Variants in GPC3 observed in about 807,000 individuals in gnomAD.
The protein encoded by GPC3 is glypican-3.
GPC3 carries 3 observed loss-of-function variants against 34.4 expected under a neutral mutation model. That is an observed-to-expected ratio of 0.09 (90% CI 0.04 to 0.23). GPC3 has a LOEUF of 0.23. Ranked by LOEUF, GPC3 falls within the 10% of genes least tolerant of loss-of-function variation. The probability of loss-of-function intolerance (pLI) is 1.00; values close to 1 mark genes in which losing one functional copy is unlikely to be tolerated. For missense variants in GPC3, 351 were observed against 445.6 expected (o/e 0.79, Z 1.91); for synonymous variants, 177 against 174.0 (o/e 1.02, Z -0.13).
At chrX:133,973,842 C>A in intron 1 of GPC3, among the ~76,000 whole-genome samples, 1 of 111,700 alleles carries the variant, frequency 9.0e-6, no homozygotes, top group Middle Eastern at 4.7e-3. Context: ...AAGTACTGCC[C>A]TGGGGGAGGG....
intron 2 of GPC3, among the ~76,000 whole-genome samples, chrX:133,759,649 A>G (rs2071766529): frequency 8.9e-6 from 1 of 112,290 alleles, no homozygotes; most frequent in African/African-American, 3.2e-5. Flanking sequence ...ATGCAAAACT[A>G]TAAAACTTAT....
intron 3 of GPC3, among the ~76,000 whole-genome samples, chrX:133,718,805 T>C (rs1000382472): frequency 3.6e-5 from 4 of 111,259 alleles, no homozygotes; most frequent in African/African-American, 1.3e-4. Flanking sequence ...GCTGTACTAA[T>C]GTTGGGGAAA....
At chrX:133,795,534 T>C (rs2075574055) in intron 2 of GPC3, among the ~76,000 whole-genome samples, 1 of 111,573 alleles carries the variant, frequency 9.0e-6, no homozygotes, top group Admixed American at 9.5e-5. Context: ...ATAAGATAGA[T>C]TGTCATGAAA....
At chrX:133,840,077 C>T (rs1291982534) in intron 2 of GPC3, among the ~76,000 whole-genome samples, 1 of 110,863 alleles carries the variant, frequency 9.0e-6, no homozygotes, top group African/African-American at 3.3e-5. Context: ...GATTCTAGTT[C>T]GAGCTCTATC....
chrX:133,640,315 T>G (rs2070468245), intron 6 of GPC3, among the ~76,000 whole-genome samples: 1 of 112,046 alleles, frequency 8.9e-6, no homozygotes, highest in Non-Finnish European at 1.9e-5. Flanking sequence ...TGTATTTCCC[T>G]GTCTAACCTG....
intron 2 of GPC3, among the ~76,000 whole-genome samples, chrX:133,759,904 GTATC>G (rs1362845672): frequency 4.5e-5 from 5 of 111,472 alleles, no homozygotes; most frequent in African/African-American, 1.6e-4. Context: ...TAAAGGCCTT[GTATC>G]CAAAACACTC....
At chrX:133,935,337 G>A (rs780647857) in intron 2 of GPC3, among the ~76,000 whole-genome samples, 4 of 112,108 alleles carry the variant, frequency 3.6e-5, no homozygotes, top group African/African-American at 6.5e-5. Flanking sequence ...CAGTTTCACC[G>A]TCTGTATTAA....
intron 7 of GPC3, among the ~76,000 whole-genome samples, chrX:133,555,617 C>T (rs968905317): frequency 6.3e-5 from 7 of 111,246 alleles, no homozygotes; most frequent in African/African-American, 2.3e-4. Context: ...CCCTTGAGGC[C>T]AGAAGTTCAA....
intron 7 of GPC3, among the ~76,000 whole-genome samples, chrX:133,551,720 T>C (rs1033783323): frequency 9.8e-5 from 11 of 111,969 alleles, no homozygotes; most frequent in Non-Finnish European, 1.9e-4. Flanking sequence ...TATCTCCTTC[T>C]TTAATTTTCC....
rs1266684232 is a variant in GPC3 at position 133,862,955 on chromosome X, C to T, written c.337+90095G>A. Among the ~76,000 whole-genome samples the T allele has an allele frequency of 2.7e-5, 3 of 112,900 alleles. No homozygotes were observed. In the East Asian group the frequency reaches 8.4e-4, roughly 32 times the overall value. On this transcript the variant is annotated intron_variant, in intron 2 of 7. Coordinates refer to ENST00000370818, the MANE Select transcript of GPC3 (RefSeq NM_004484.4). The stretch of plus-strand genomic sequence containing the variant: ...TGCATACTGTAGAAGCCGTTGCTCA[C>T]ACAACATCCTGGCATCGAGCTTTGG...
intron 5 of GPC3, among the ~76,000 whole-genome samples, chrX:133,676,359 A>G (rs2070884098): frequency 8.9e-6 from 1 of 112,552 alleles, no homozygotes; most frequent in South Asian, 3.7e-4. Flanking sequence ...GTGCATGGCC[A>G]TGGTGGGCAT....
At chrX:133,781,136 C>A (rs1168685246) in intron 2 of GPC3, among the ~76,000 whole-genome samples, 1 of 111,638 alleles carries the variant, frequency 9.0e-6, no homozygotes, top group Non-Finnish European at 1.9e-5. Context: ...CTGAATCGAT[C>A]CTCTGTATCT....
chrX:133,932,698 G>A (rs140232392), intron 2 of GPC3, among the ~76,000 whole-genome samples: 1,807 of 111,342 alleles, frequency 0.016, 14 homozygotes, highest in Non-Finnish European at 0.025. Flanking sequence ...AACTGTTTGG[G>A]AGGCATAGAC....
chrX:133,813,348 A>G lies in GPC3; in HGVS notation c.338-59172T>C, dbSNP rs185724959. Among the ~76,000 whole-genome samples the G allele has an allele frequency of 5.3e-5, 6 of 112,488 alleles. No individual in the cohort carries two copies. The East Asian group carries it at 1.1e-3, about 21-fold the overall frequency. The stretch of plus-strand genomic sequence containing the variant: ...TAAAATGAATATCCACGTCTTATTT[A>G]TAAAGTTGATCACCATTCCGATAAC... On this transcript the variant is annotated intron_variant, in intron 2 of 7. Transcript: ENST00000370818.
rs757193511 is a variant in GPC3 at position 133,857,165 on chromosome X, CT to C, written c.337+95884del. The stretch of plus-strand genomic sequence containing the variant: ...ACCCCTCTCCACCACACAAGTAACA[CT>C]TCTCTCTAAATCCCCCTTCTTCTGA... On this transcript the variant is annotated intron_variant, in intron 2 of 7. Transcript: ENST00000370818. Among the ~76,000 whole-genome samples, 72 of 111,652 alleles carry C rather than the reference CT, an allele frequency of 6.4e-4. 3 individuals carry two copies. In the South Asian group the frequency reaches 0.026, roughly 41 times the overall value.
At chrX:133,701,309 C>A (rs1424329997) in intron 3 of GPC3, among the ~76,000 whole-genome samples, 1 of 111,664 alleles carries the variant, frequency 9.0e-6, no homozygotes, top group Non-Finnish European at 1.9e-5. Flanking sequence ...CTATTATCAT[C>A]CCCATTTTAG....
At chrX:133,737,495 A>G (rs2071522800) in intron 3 of GPC3, among the ~76,000 whole-genome samples, 1 of 111,996 alleles carries the variant, frequency 8.9e-6, no homozygotes, top group Admixed American at 9.5e-5. Context: ...TTTCTGCTCA[A>G]TTTTGCTACA....
chrX:133,647,674 G>A (rs2070558360), intron 6 of GPC3, among the ~76,000 whole-genome samples: 1 of 111,598 alleles, frequency 9.0e-6, no homozygotes, highest in Non-Finnish European at 1.9e-5. Flanking sequence ...TCTTTGTGAG[G>A]CTGTCACGAA....
chrX:133,799,745 T>C (rs766595629), intron 2 of GPC3, among the ~76,000 whole-genome samples: 19 of 111,903 alleles, frequency 1.7e-4, no homozygotes, highest in African/African-American at 5.8e-4. Context: ...CCAGCATAGT[T>C]CTCTCTGATA....
Sources: allele counts gnomAD v4.1 joint callset (sites outside exome capture counted in the v4.1 genomes callset), GRCh38; gene constraint gnomAD v4.1.1; transcripts MANE v1.5; gene names NCBI Gene and HGNC (gene_info 2026-07-23, HGNC 2026-07-21).